The following SCGB2B2 variants were observed in gnomAD, a reference collection of about 807,000 sequenced individuals.
The protein encoded by SCGB2B2 is secretoglobin-like protein.
A neutral mutation model predicts 7.6 loss-of-function variants in SCGB2B2; 11 were observed. The ratio of observed to expected loss-of-function variants is 1.45; its 90% CI spans 0.91 to 2.40. The LOEUF (loss-of-function observed/expected upper bound fraction) is 2.40. Among genes scored for constraint, SCGB2B2 ranks in the 30% most tolerant of loss-of-function variants. The probability of loss-of-function intolerance (pLI) is 0.00; values close to 1 mark genes in which losing one functional copy is unlikely to be tolerated. For missense variants in SCGB2B2, 104 were observed against 115.4 expected (o/e 0.90, Z 0.45); for synonymous variants, 50 against 48.6 (o/e 1.03, Z -0.12).
chr19:34,586,409 T>C (rs1457285071), downstream of SCGB2B2, among the ~76,000 whole-genome samples: 1 of 152,336 alleles, frequency 6.6e-6, no homozygotes, highest in East Asian at 1.9e-4. Flanking sequence ...CTTGTTCCTC[T>C]GTGTAACACC....
At chr19:34,626,667 A>G (rs886065710) in intron 1 of SCGB2B2, among the ~76,000 whole-genome samples, 9 of 152,262 alleles carry the variant, frequency 5.9e-5, no homozygotes, top group Admixed American at 2.0e-4. Flanking sequence ...GAATGGAACC[A>G]AGTTGGAAAA....
intron 1 of SCGB2B2, among the ~76,000 whole-genome samples, chr19:34,605,873 C>A (rs568086915): frequency 1.3e-5 from 2 of 152,044 alleles, no homozygotes; most frequent in Non-Finnish European, 2.9e-5. Flanking sequence ...GGATTACAGG[C>A]GTGAGCCACT....
At chr19:34,655,775 C>T (rs112901345) in intron 1 of SCGB2B2, among the ~76,000 whole-genome samples, 385 of 151,314 alleles carry the variant, frequency 2.5e-3, no homozygotes, top group Admixed American at 3.9e-3. Flanking sequence ...AAACCCAAGG[C>T]AAGCAAGAGC....
intron 1 of SCGB2B2, among the ~76,000 whole-genome samples, chr19:34,598,597 A>AGG (rs981903320): frequency 6.6e-6 from 1 of 152,116 alleles, no homozygotes; most frequent in African/African-American, 2.4e-5. Flanking sequence ...TTGCTGGGAT[A>AGG]GGGAGGGTAG....
chr19:34,676,337 C>G lies in SCGB2B2; in HGVS notation c.-2739G>C, dbSNP rs1366347442. 1 of 152,184 alleles carries G rather than the reference C, an allele frequency of 6.6e-6. No individual in the cohort carries two copies. Among genetic ancestry groups the G allele is most frequent in the Non-Finnish European group, 1.5e-5 (1 of 68,038 alleles). 9.4% of individuals were successfully genotyped at this position (152,184 alleles called of 1,614,324 possible). Reference sequence around the variant, plus strand: ...ATATGCATTAGCACGCTAAGAGAAACGCTCATCAGTGCCATGGCAATTTAC... The same window carrying G: ...ATATGCATTAGCACGCTAAGAGAAAGGCTCATCAGTGCCATGGCAATTTAC... On this transcript the variant is annotated 5_prime_UTR_variant, in exon 1 of 4. Transcript: ENST00000601241.
rs1280362523 is a variant in SCGB2B2 at position 34,619,687 on chromosome 19, T to TG, written c.-2031-23094_-2031-23093insC. Among the ~76,000 whole-genome samples the TG allele has an allele frequency of 8.5e-5, 13 of 152,298 alleles. No individual in the cohort carries two copies. The East Asian group carries it at 2.3e-3, about 27-fold the overall frequency. Reference sequence around the variant, plus strand: ...ATAAAATCAGAAAAGACTGATTCCCTAAGCCAGGAATTGAACCCAGGCCAC... The same window carrying TG: ...ATAAAATCAGAAAAGACTGATTCCCTGAAGCCAGGAATTGAACCCAGGCCAC... On this transcript the variant is annotated intron_variant, in intron 1 of 3. Coordinates refer to ENST00000601241, the MANE Select transcript of SCGB2B2 (RefSeq NM_001025591.4).
intron 1 of SCGB2B2, chr19:34,635,534 G>A: frequency 3.6e-6 from 1 of 277,470 alleles, no homozygotes. Context: ...TTAAACCCAT[G>A]TGAACTCTCT....
chr19:34,594,779 T>C lies in SCGB2B2; in HGVS notation c.-216A>G, dbSNP rs2065401945. On this transcript the variant is annotated 5_prime_UTR_variant, in exon 2 of 4. Transcript: ENST00000601241. ...GTTGGGGTGGCAGCGTATCGGGAAC[T>C]GGACTCAGCATGCAGTGGGAGGGGT... is the stretch of plus-strand genomic sequence containing the variant. 1 of 590,332 alleles carries C rather than the reference T, an allele frequency of 1.7e-6. No homozygotes were observed. The highest frequency in any genetic ancestry group is 4.6e-4 in the Middle Eastern group (1 of 2,174). The allele number at this position is 590,332 out of a possible 1,614,324, so 36.6% of individuals were successfully genotyped here.
intron 1 of SCGB2B2, among the ~76,000 whole-genome samples, chr19:34,654,242 T>G (rs2067230760): frequency 6.6e-6 from 1 of 151,160 alleles, no homozygotes; most frequent in South Asian, 2.1e-4. Flanking sequence ...TAGAATCAAC[T>G]TAATAGGTTA....
At chr19:34,588,312 ATTG>A (rs2065225367), downstream of SCGB2B2, among the ~76,000 whole-genome samples, 1 of 152,230 alleles carries the variant, frequency 6.6e-6, no homozygotes, top group East Asian at 1.9e-4. Context: ...TGGTGGTTGT[ATTG>A]TTGTTCATGA....
intron 1 of SCGB2B2, among the ~76,000 whole-genome samples, chr19:34,606,090 A>AG (rs1399228979): frequency 1.3e-4 from 19 of 151,710 alleles, no homozygotes; most frequent in Non-Finnish European, 2.9e-5. Flanking sequence ...TTTTAAAAAA[A>AG]TTTTATGTAG....
intron 1 of SCGB2B2, among the ~76,000 whole-genome samples, chr19:34,631,809 C>G (rs1297012917): frequency 6.6e-6 from 1 of 151,510 alleles, no homozygotes; most frequent in African/African-American, 2.4e-5. Flanking sequence ...AAGCCAAAAA[C>G]AAAACAAAAT....
chr19:34,637,161 G>A (rs2066705572), intron 1 of SCGB2B2, among the ~76,000 whole-genome samples: 1 of 152,152 alleles, frequency 6.6e-6, no homozygotes, highest in Admixed American at 6.5e-5. Flanking sequence ...AGAATTGGGG[G>A]CAGAGAGGTA....
intron 1 of SCGB2B2, among the ~76,000 whole-genome samples, chr19:34,621,026 C>G (rs1355833484): frequency 6.6e-6 from 1 of 152,080 alleles, no homozygotes; most frequent in Non-Finnish European, 1.5e-5. Context: ...TGTTCCTATT[C>G]CTTATTTATA....
At chr19:34,655,772 A>C (rs1045326547) in intron 1 of SCGB2B2, among the ~76,000 whole-genome samples, 6 of 151,330 alleles carry the variant, frequency 4.0e-5, no homozygotes, top group South Asian at 2.1e-4. Context: ...GAGAAACCCA[A>C]GGCAAGCAAG....
intron 1 of SCGB2B2, among the ~76,000 whole-genome samples, chr19:34,627,933 A>C (rs1180303496): frequency 1.3e-5 from 2 of 152,262 alleles, no homozygotes; most frequent in African/African-American, 4.8e-5. Context: ...CTCAGACCAC[A>C]GTGCAATCAA....
At chr19:34,607,546 T>C (rs2124899) in intron 1 of SCGB2B2, among the ~76,000 whole-genome samples, 1 of 152,254 alleles carries the variant, frequency 6.6e-6, no homozygotes. Context: ...ATAAAGGCTG[T>C]ACCATTTTAT....
At chr19:34,639,161 A>G (rs1252884511) in intron 1 of SCGB2B2, among the ~76,000 whole-genome samples, 1 of 152,220 alleles carries the variant, frequency 6.6e-6, no homozygotes, top group East Asian at 1.9e-4. Flanking sequence ...AGCTTTACCT[A>G]AGGCTTATTC....
intron 1 of SCGB2B2, among the ~76,000 whole-genome samples, chr19:34,644,353 T>G (rs1339698117): frequency 5.0e-5 from 5 of 100,140 alleles, no homozygotes; most frequent in East Asian, 2.9e-4. Flanking sequence ...TTTTTTTGTT[T>G]TTTTTTTTGT....
Sources: gnomAD v4.1 joint callset for allele counts (sites outside exome capture counted in the v4.1 genomes callset) on GRCh38, gnomAD v4.1.1 for gene constraint, MANE v1.5 for transcripts, NCBI Gene and HGNC (gene_info 2026-07-23, HGNC 2026-07-21) for gene names.